AADACL3: variants seen among roughly 807,000 people sequenced by gnomAD.
AADACL3 encodes the protein arylacetamide deacetylase-like 3.
AADACL3 carries 13 observed loss-of-function variants against 13.6 expected under a neutral mutation model. That is an observed-to-expected ratio of 0.95 (90% CI 0.62 to 1.52). The LOEUF is 1.52. Among genes scored for constraint, AADACL3 ranks in the 40% most tolerant of loss-of-function variants. AADACL3 has a pLI of 0.00. For missense variants in AADACL3, 519 were observed against 499.2 expected (o/e 1.04, Z -0.38); for synonymous variants, 195 against 197.0 (o/e 0.99, Z 0.08).
At chr1:12,722,447 G>A (rs1249595434) in intron 3 of AADACL3, among the ~76,000 whole-genome samples, 1 of 152,034 alleles carries the variant, frequency 6.6e-6, no homozygotes, top group Admixed American at 6.6e-5. Flanking sequence ...ATGGGATCAT[G>A]GGATGTTGCC....
At position 12,728,591 on chromosome 1, in the gene AADACL3, C is replaced by T. The variant is rs1479404362; in HGVS notation, c.*2595C>T. 2 of 152,324 alleles carry T rather than the reference C, an allele frequency of 1.3e-5. No homozygotes were observed. Among genetic ancestry groups the T allele is most frequent in the South Asian group, 2.1e-4 (1 of 4,832 alleles). 9.4% of individuals were successfully genotyped at this position (152,324 alleles called of 1,614,324 possible). A position where few individuals can be genotyped will look rare whatever the true frequency, so the allele number is the denominator to read the frequency against. Reference sequence around the variant, plus strand: ...CGTGGGTTTTCTCTGAGTTCTCCAGCTTCCTCCCACATTCCAAAGATGTGT... The same window carrying T: ...CGTGGGTTTTCTCTGAGTTCTCCAGTTTCCTCCCACATTCCAAAGATGTGT... On this transcript the variant is annotated 3_prime_UTR_variant, in exon 4 of 4. Coordinates refer to ENST00000359318, the MANE Select transcript of AADACL3 (RefSeq NM_001103170.3).
rs765523146 is a variant in AADACL3, at chr1:12,725,376, G to T, written c.604G>T (p.Val202Phe). The change falls in exon 4 of 4, where the codon GTT becomes TTT. Residue 202 changes from valine to phenylalanine, a missense_variant. Val to Phe is a conservative substitution (Grantham distance 50). Coordinates refer to ENST00000359318, the MANE Select transcript of AADACL3 (RefSeq NM_001103170.3). Reference sequence around the variant, plus strand: ...TTTCGGAGGGGCAATAGCCGCAGTGGTTTGTCAACAACTTGTGGACAGGCC... The same window carrying T: ...TTTCGGAGGGGCAATAGCCGCAGTGTTTTGTCAACAACTTGTGGACAGGCC... ...DSFGGAIAAV[V>F]CQQLVDRPDL... The T allele has an allele frequency of 1.9e-6, 3 of 1,614,038 alleles. No homozygotes were observed. Among genetic ancestry groups the T allele is most frequent in the East Asian group, 2.2e-5 (1 of 44,888 alleles).
In AADACL3 at chr1:12,725,800, G is replaced by A. The variant is rs762633658; in HGVS notation, c.1028G>A (p.Ser343Asn). 7 of 1,614,182 alleles carry A rather than the reference G, an allele frequency of 4.3e-6. No homozygotes were observed. The South Asian group carries it at 5.5e-5, about 13-fold the overall frequency. The change falls in exon 4 of 4, where the codon AGC becomes AAC. Residue 343 changes from serine to asparagine, a missense_variant. Coordinates refer to ENST00000359318, the MANE Select transcript of AADACL3 (RefSeq NM_001103170.3). ...CAGCTCCCGGAAACCTGCATCGTGA[G>A]CTGTGAGTATGATGCTCTCCGGGAC... ...VSQLPETCIV[S>N]CEYDALRDNS...
chr1:12,726,154 C>T lies in AADACL3; in HGVS notation c.*158C>T. 11 of 757,798 alleles carry T rather than the reference C, an allele frequency of 1.5e-5. No homozygotes were observed. Among genetic ancestry groups the T allele is most frequent in the Non-Finnish European group, 2.3e-5 (11 of 481,682 alleles). 46.9% of individuals were successfully genotyped at this position (757,798 alleles called of 1,614,324 possible). A position where few individuals can be genotyped will look rare whatever the true frequency, so the allele number is the denominator to read the frequency against. On this transcript the variant is annotated 3_prime_UTR_variant, in exon 4 of 4. Coordinates refer to ENST00000359318, the MANE Select transcript of AADACL3 (RefSeq NM_001103170.3). ...GTCCAGGTTCTAGAACCACACAATGCATGCTCCTGATGTCCAGAGGACGTG... is the reference window on the plus strand; with the variant it reads ...GTCCAGGTTCTAGAACCACACAATGTATGCTCCTGATGTCCAGAGGACGTG...
At position 12,726,048 on chromosome 1, in the gene AADACL3, C is replaced by T; in HGVS notation, c.*52C>T. On this transcript the variant is annotated 3_prime_UTR_variant, in exon 4 of 4. Transcript: ENST00000359318. ...GGTGTGGATTCCACTGGCATCCAGC[C>T]TCCCACAGGGCTCTCTGTTGCTGAT... 1.3e-6 allele frequency: 2 copies of T among 1,550,568 alleles called. No individual in the cohort carries two copies. Among genetic ancestry groups the T allele is most frequent in the East Asian group, 2.2e-5 (1 of 44,448 alleles).
Position 12,716,243 on chromosome 1 carries a change from G to A in AADACL3, c.67G>A (p.Val23Ile). 2 of 1,504,944 alleles carry A rather than the reference G, an allele frequency of 1.3e-6. No homozygotes were observed. The highest frequency in any genetic ancestry group is 4.5e-5 in the East Asian group (2 of 44,406). The allele number at this position is 1,504,944 out of a possible 1,614,324, so 93.2% of individuals were successfully genotyped here. ...GTTCTCACTAGGGGTCACTCTGTGG[G>A]TCATTTGCAGCCATTTTTTCACTGT... ...CVFSLGVTLW[V>I]ICSHFFTVHI... Residue 23 changes from valine to isoleucine, a missense_variant, in exon 1 of 4, where the codon GTC becomes ATC. Transcript: ENST00000359318.
chr1:12,716,967 T>C (rs1175645603), intron 1 of AADACL3, among the ~76,000 whole-genome samples: 2 of 152,198 alleles, frequency 1.3e-5, no homozygotes, highest in African/African-American at 4.8e-5. Flanking sequence ...GAAAGCTGCC[T>C]AGGGAATATA....
At chr1:12,724,404 T>C (rs1638325562) in intron 3 of AADACL3, among the ~76,000 whole-genome samples, 1 of 152,218 alleles carries the variant, frequency 6.6e-6, no homozygotes, top group Non-Finnish European at 1.5e-5. Flanking sequence ...CAAACAGTAG[T>C]AGCCCAGGCT....
In AADACL3 at chr1:12,725,753, T is replaced by C. The variant is rs556426770; in HGVS notation, c.981T>C (p.Ile327=). 1 of 1,614,174 alleles carries C rather than the reference T, an allele frequency of 6.2e-7. No homozygotes were observed. The highest frequency in any genetic ancestry group is 1.3e-5 in the African/African-American group (1 of 75,038). Residue 327 remains isoleucine (I), a synonymous_variant, in exon 4 of 4, where the codon ATT becomes ATC. Transcript: ENST00000359318. The stretch of plus-strand genomic sequence containing the variant: ...TGGATGTGATGTGCTCGCCCCTGAT[T>C]GCAGAAGATGACATAGTGTCTCAGC... The part of the protein sequence containing the change: ...VVLDVMCSPL[I]AEDDIVSQLP...
In AADACL3 at chr1:12,719,510, G is replaced by A. The variant is rs752123416; in HGVS notation, c.204G>A (p.Met68Ile). 25 of 1,613,940 alleles carry A rather than the reference G, an allele frequency of 1.5e-5. No homozygotes were observed. The highest frequency in any genetic ancestry group is 5.0e-5 in the Admixed American group (3 of 59,990). Residue 68 changes from methionine (M) to isoleucine (I), a missense_variant, in exon 2 of 4, where the codon ATG becomes ATA. Coordinates refer to ENST00000359318, the MANE Select transcript of AADACL3 (RefSeq NM_001103170.3). Reference protein sequence around the residue: ...MIFEKLRICSMPQFFCFMQDL... With the variant: ...MIFEKLRICSIPQFFCFMQDL... The stretch of plus-strand genomic sequence containing the variant: ...TTGAGAAGCTCAGAATCTGTTCTAT[G>A]CCCCAATTTTTCTGTTTCATGCAAG...
In AADACL3 at chr1:12,726,160, C is replaced by T. The variant is rs1331421459; in HGVS notation, c.*164C>T. On this transcript the variant is annotated 3_prime_UTR_variant, in exon 4 of 4. Transcript: ENST00000359318. ...GTTCTAGAACCACACAATGCATGCT[C>T]CTGATGTCCAGAGGACGTGGTAGAA... 9 of 720,194 alleles carry T rather than the reference C, an allele frequency of 1.2e-5. No individual in the cohort carries two copies. Among genetic ancestry groups the T allele is most frequent in the Non-Finnish European group, 1.8e-5 (8 of 450,708 alleles). 44.6% of individuals were successfully genotyped at this position (720,194 alleles called of 1,614,324 possible).
intron 2 of AADACL3, among the ~76,000 whole-genome samples, chr1:12,720,536 G>A (rs996663891): frequency 6.6e-6 from 1 of 152,136 alleles, no homozygotes; most frequent in African/African-American, 2.4e-5. Flanking sequence ...GAGGTTAAGA[G>A]ACTTGCTAGG....
At chr1:12,723,866 T>C in intron 3 of AADACL3, among the ~76,000 whole-genome samples, 1 of 72,514 alleles carries the variant, frequency 1.4e-5, no homozygotes, top group Admixed American at 1.1e-4. Flanking sequence ...TCACCACAAC[T>C]TCTGCCTCCT....
In AADACL3 at chr1:12,728,558, C is replaced by T. The variant is rs1205478160; in HGVS notation, c.*2562C>T. ...CTATGTGGGGTTTGCACATTCTGCC[C>T]ATGTCTGCGTGGGTTTTCTCTGAGT... On this transcript the variant is annotated 3_prime_UTR_variant, in exon 4 of 4. Coordinates refer to ENST00000359318, the MANE Select transcript of AADACL3 (RefSeq NM_001103170.3). The T allele has an allele frequency of 2.0e-5, 3 of 152,370 alleles. No individual in the cohort carries two copies. In the East Asian group the frequency reaches 5.8e-4, roughly 29 times the overall value. 9.4% of individuals were successfully genotyped at this position (152,370 alleles called of 1,614,324 possible).
chr1:12,726,319 T>TTTTTAATGATA lies in AADACL3; in HGVS notation c.*323_*324insTTTTAATGATA. 3.1e-6 allele frequency: 1 copy of TTTTTAATGATA among 323,706 alleles called. No homozygotes were observed. Among genetic ancestry groups the TTTTTAATGATA allele is most frequent in the Non-Finnish European group, 5.7e-6 (1 of 176,294 alleles). 20.1% of individuals were successfully genotyped at this position (323,706 alleles called of 1,614,324 possible). ...GTTCTCAGCCTCCCTAAGGGGCAGT[T>TTTTTAATGATA]CAGGCTCCCAGATTGATCCAGACTG... On this transcript the variant is annotated 3_prime_UTR_variant, in exon 4 of 4. Coordinates refer to ENST00000359318, the MANE Select transcript of AADACL3 (RefSeq NM_001103170.3).
rs1557572994 is a variant in AADACL3, at chr1:12,726,027, T to C, written c.*31T>C. 6.4e-7 allele frequency: 1 copy of C among 1,571,232 alleles called. No individual in the cohort carries two copies. The highest frequency in any genetic ancestry group is 2.2e-5 in the East Asian group (1 of 44,564). On this transcript the variant is annotated 3_prime_UTR_variant, in exon 4 of 4. Transcript: ENST00000359318. ...TTTCTTCTCTGCTGGTACTGCGGTG[T>C]GGATTCCACTGGCATCCAGCCTCCC...
At chr1:12,720,136 G>T (rs529199363) in intron 2 of AADACL3, among the ~76,000 whole-genome samples, 1 of 152,128 alleles carries the variant, frequency 6.6e-6, no homozygotes, top group Non-Finnish European at 1.5e-5. Flanking sequence ...ACAAATTCTG[G>T]TACAGACAGA....
In AADACL3 at chr1:12,725,510, G is replaced by A; in HGVS notation, c.738G>A (p.Trp246Ter). Reference sequence around the variant, plus strand: ...GGAAAAACATCCCACTGCTCACCTGGAGTTTCATCTGCTACTTTTTTTTTC... The same window carrying A: ...GGAAAAACATCCCACTGCTCACCTGAAGTTTCATCTGCTACTTTTTTTTTC... ...QQRKNIPLLT[W>*]SFICYFFFQN... Residue 246 changes from tryptophan to a stop codon, truncating the protein, a stop_gained, in exon 4 of 4, where the codon TGG (tryptophan) becomes TGA (stop). Coordinates refer to ENST00000359318, the MANE Select transcript of AADACL3 (RefSeq NM_001103170.3). LOFTEE classifies it low-confidence loss of function (END_TRUNC). 1 of 1,614,098 alleles carries A rather than the reference G, an allele frequency of 6.2e-7. No individual in the cohort carries two copies. The highest frequency in any genetic ancestry group is 8.5e-7 in the Non-Finnish European group (1 of 1,180,014).
chr1:12,727,785 A>G lies in AADACL3; in HGVS notation c.*1789A>G, dbSNP rs1049032326. 2 of 152,236 alleles carry G rather than the reference A, an allele frequency of 1.3e-5. No homozygotes were observed. Among genetic ancestry groups the G allele is most frequent in the African/African-American group, 2.4e-5 (1 of 41,456 alleles). 9.4% of individuals were successfully genotyped at this position (152,236 alleles called of 1,614,324 possible). A position where few individuals can be genotyped will look rare whatever the true frequency, so the allele number is the denominator to read the frequency against. On this transcript the variant is annotated 3_prime_UTR_variant, in exon 4 of 4. Coordinates refer to ENST00000359318, the MANE Select transcript of AADACL3 (RefSeq NM_001103170.3). ...CAACTGTTGAAAGGCACTGGAGTCC[A>G]ATGGGTGAGGCCGCCTCTGAGACAA...
Sources: allele counts gnomAD v4.1 joint callset (sites outside exome capture counted in the v4.1 genomes callset), GRCh38; gene constraint gnomAD v4.1.1; transcripts MANE v1.5; gene names NCBI Gene and HGNC (gene_info 2026-07-23, HGNC 2026-07-21).